Variants in MAP4K4 observed in about 807,000 individuals in gnomAD.
The protein encoded by MAP4K4 is HPK/GCK-like kinase HGK.
In MAP4K4, 38 loss-of-function variants were observed where a neutral mutation model predicts 189.6. The ratio of observed to expected loss-of-function variants is 0.20; its 90% CI spans 0.15 to 0.26. The LOEUF is 0.26. Among genes scored for constraint, MAP4K4 ranks in the 10% least tolerant of loss-of-function variants. The probability of loss-of-function intolerance (pLI) is 1.00; values close to 1 mark genes in which losing one functional copy is unlikely to be tolerated. For missense variants in MAP4K4, 1,054 were observed against 1,726.9 expected, an observed-to-expected ratio of 0.61 and a Z score of 6.91; for synonymous variants, 610 against 624.3, an observed-to-expected ratio of 0.98 and a Z score of 0.34.
intron 2 of MAP4K4, among the ~76,000 whole-genome samples, chr2:101,724,156 G>A (rs1483512175): frequency 6.6e-6 from 1 of 152,142 alleles, no homozygotes; most frequent in African/African-American, 2.4e-5. Context: ...TTTAAAAACG[G>A]TGGTGCTTGG....
chr2:101,866,697 G>A lies in MAP4K4; in HGVS notation c.2356+118G>A, dbSNP rs79453663. ...CCACACGTCACAAAACAATGTTTTA[G>A]CATAGGTTGCTAGTGACAATAATAG... On this transcript the variant is annotated intron_variant, in intron 19 of 32. Coordinates refer to ENST00000324219, the Ensembl canonical transcript of MAP4K4. 5.7e-4 allele frequency: 738 copies of A among 1,287,676 alleles called. 1 individual carries two copies. The African/African-American group carries it at 0.01, about 17-fold the overall frequency. 79.8% of individuals were successfully genotyped at this position (1,287,676 alleles called of 1,614,324 possible). A position where few individuals can be genotyped will look rare whatever the true frequency, so the allele number is the denominator to read the frequency against.
intron 2 of MAP4K4, among the ~76,000 whole-genome samples, chr2:101,705,568 C>CT (rs554343506): frequency 6.6e-6 from 1 of 152,166 alleles, no homozygotes; most frequent in Admixed American, 6.5e-5. Context: ...TATCAGTCTA[C>CT]TTTTTTTACT....
chr2:101,889,886 C>T (rs2098541110), intron 32 of MAP4K4, among the ~76,000 whole-genome samples: 1 of 152,186 alleles, frequency 6.6e-6, no homozygotes, highest in African/African-American at 2.4e-5. Flanking sequence ...AGTCACTTCA[C>T]CTCTACCCAC....
chr2:101,828,450 A>G lies in MAP4K4; in HGVS notation c.418-1054A>G, dbSNP rs371694381. Among the ~76,000 whole-genome samples, 19 of 152,354 alleles carry G rather than the reference A, an allele frequency of 1.2e-4. No homozygotes were observed. In the East Asian group the frequency reaches 1.4e-3, roughly 11 times the overall value. Reference sequence around the variant, plus strand: ...TTTTCTCTAGTCAGTGCTTTGCGGTATAATACCGCACATCCTGTGTTGTGA... The same window carrying G: ...TTTTCTCTAGTCAGTGCTTTGCGGTGTAATACCGCACATCCTGTGTTGTGA... On this transcript the variant is annotated intron_variant, in intron 5 of 32. Transcript: ENST00000324219.
intron 2 of MAP4K4, among the ~76,000 whole-genome samples, chr2:101,734,944 G>A (rs192413311): frequency 6.6e-6 from 1 of 152,230 alleles, no homozygotes; most frequent in African/African-American, 2.4e-5. Context: ...GAGTCAAAGG[G>A]GCTAGGCCCA....
intron 2 of MAP4K4, among the ~76,000 whole-genome samples, chr2:101,708,297 T>G (rs1176358948): frequency 6.6e-6 from 1 of 152,182 alleles, no homozygotes; most frequent in African/African-American, 2.4e-5. Context: ...GGTGTTTGTT[T>G]CTTTTCATCC....
At chr2:101,748,536 C>T (rs1029522381) in intron 2 of MAP4K4, among the ~76,000 whole-genome samples, 1 of 152,090 alleles carries the variant, frequency 6.6e-6, no homozygotes, top group Admixed American at 6.6e-5. Context: ...AGGCCAGGTG[C>T]GTTGTCTGTC....
intron 3 of MAP4K4, among the ~76,000 whole-genome samples, chr2:101,804,824 G>A (rs181377457): frequency 2.0e-5 from 3 of 152,194 alleles, no homozygotes; most frequent in African/African-American, 7.2e-5. Flanking sequence ...GCTTACGCCT[G>A]TAATCCCAGC....
At chr2:101,838,134 C>A (rs1011714946) in intron 9 of MAP4K4, among the ~76,000 whole-genome samples, 1 of 152,146 alleles carries the variant, frequency 6.6e-6, no homozygotes, top group Non-Finnish European at 1.5e-5. Context: ...TTAGGAAATA[C>A]GTTGTAGATC....
chr2:101,792,629 T>TCCTCCTCC (rs1558948672), intron 3 of MAP4K4, among the ~76,000 whole-genome samples: 4 of 148,226 alleles, frequency 2.7e-5, no homozygotes, highest in African/African-American at 1.0e-4. Context: ...CTCCTCCTCC[T>TCCTCCTCC]TCTTCTTTCT....
chr2:101,824,276 C>T (rs1226635501), intron 4 of MAP4K4, among the ~76,000 whole-genome samples: 1 of 152,114 alleles, frequency 6.6e-6, no homozygotes, highest in African/African-American at 2.4e-5. Context: ...AAAAAGTTAA[C>T]TTTGTGTTTC....
chr2:101,866,648 T>C (rs1211179789), intron 19 of MAP4K4, 69 bp downstream of exon 19: 2 of 1,569,718 alleles, frequency 1.3e-6, no homozygotes, highest in Middle Eastern at 1.7e-4. Flanking sequence ...TGGAAGTTTG[T>C]CTTAATCTGT....
At chr2:101,867,101 G>A (rs988370338) in intron 19 of MAP4K4, 111 bp from the exon 20 acceptor site, 13 of 673,530 alleles carry the variant, frequency 1.9e-5, no homozygotes, top group Admixed American at 1.3e-4. Flanking sequence ...CAGGTGGAGA[G>A]CCTACCATGA....
In MAP4K4 at chr2:101,812,253, T is replaced by C. The variant is rs187138644; in HGVS notation, c.181-11675T>C. Among the ~76,000 whole-genome samples, 3 of 152,320 alleles carry C rather than the reference T, an allele frequency of 2.0e-5. No homozygotes were observed. In the East Asian group the frequency reaches 5.8e-4, roughly 29 times the overall value. Reference sequence around the variant, plus strand: ...AGCCAGACTGACTCAGGGGACTCCATGCAGACTTTGCATGTGTTTTGCTTC... The same window carrying C: ...AGCCAGACTGACTCAGGGGACTCCACGCAGACTTTGCATGTGTTTTGCTTC... On this transcript the variant is annotated intron_variant, in intron 3 of 32. Transcript: ENST00000324219.
exon 18 of MAP4K4, chr2:101,865,007 T>G: frequency 1.9e-6 from 3 of 1,571,048 alleles, no homozygotes; most frequent in Non-Finnish European, 2.6e-6. Flanking sequence ...GGCAGCAGAA[T>G]AGCCAGGCAG....
chr2:101,860,451 G>A (rs559232063), intron 15 of MAP4K4: 1 of 186,600 alleles, frequency 5.4e-6, no homozygotes, highest in African/African-American at 2.4e-5. Context: ...GTTTGTTCTG[G>A]AGTGCTTTTA....
intron 3 of MAP4K4, among the ~76,000 whole-genome samples, chr2:101,799,433 T>G (rs1009239270): frequency 6.6e-6 from 1 of 152,144 alleles, no homozygotes; most frequent in Non-Finnish European, 1.5e-5. Context: ...TCCACCTGCC[T>G]CCCTCCACCT....
intron 3 of MAP4K4, among the ~76,000 whole-genome samples, chr2:101,815,727 T>G (rs1356028777): frequency 6.6e-6 from 1 of 152,236 alleles, no homozygotes; most frequent in African/African-American, 2.4e-5. Context: ...TGTCACATCA[T>G]GTAGTCTAGG....
intron 4 of MAP4K4, 114 bp downstream of exon 4, chr2:101,824,167 A>G: frequency 9.3e-7 from 1 of 1,076,836 alleles, no homozygotes; most frequent in Non-Finnish European, 1.3e-6. Flanking sequence ...AAAGAGGGGC[A>G]GTAAGTAGCT....
Sources: allele counts gnomAD v4.1 joint callset (sites outside exome capture counted in the v4.1 genomes callset), GRCh38; gene constraint gnomAD v4.1.1; transcripts MANE v1.5; gene names NCBI Gene and HGNC (gene_info 2026-07-23, HGNC 2026-07-21).